INPP5A: variants seen among roughly 807,000 people sequenced by gnomAD.
INPP5A encodes the protein inositol polyphosphate-5-phosphatase A.
Under a neutral mutation model 65.2 loss-of-function variants are expected in INPP5A, and 14 were observed. The ratio of observed to expected loss-of-function variants is 0.21; its 90% CI spans 0.14 to 0.34. The LOEUF (loss-of-function observed/expected upper bound fraction) is 0.34. Among genes scored for constraint, INPP5A ranks in the 10% least tolerant of loss-of-function variants. The probability of loss-of-function intolerance (pLI) is 1.00; values close to 1 mark genes in which losing one functional copy is unlikely to be tolerated. For synonymous variants in INPP5A, 207 were observed against 208.3 expected (o/e 0.99, Z 0.05); for missense variants, 431 against 545.6 (o/e 0.79, Z 2.09).
At chr10:132,658,602 G>C (rs1379272727) in intron 4 of INPP5A, among the ~76,000 whole-genome samples, 2 of 152,134 alleles carry the variant, frequency 1.3e-5, no homozygotes, top group Admixed American at 6.5e-5. Flanking sequence ...GCCTTGACGC[G>C]TGTCGATCTG....
intron 3 of INPP5A, among the ~76,000 whole-genome samples, chr10:132,646,884 C>T (rs1284170835): frequency 6.6e-6 from 1 of 152,196 alleles, no homozygotes; most frequent in Non-Finnish European, 1.5e-5. Context: ...TCGATGCAGC[C>T]ACCCGGAGTC....
chr10:132,684,484 A>G (rs568447927), intron 4 of INPP5A, among the ~76,000 whole-genome samples: 51 of 152,204 alleles, frequency 3.4e-4, no homozygotes, highest in Middle Eastern at 3.4e-3. Context: ...ATGTGTACAT[A>G]TGTGTGTGTG....
intron 4 of INPP5A, among the ~76,000 whole-genome samples, chr10:132,656,177 G>C (rs569541420): frequency 6.6e-6 from 1 of 152,222 alleles, no homozygotes; most frequent in East Asian, 1.9e-4. Flanking sequence ...GGGTGCAAGA[G>C]GAAAGACCCT....
chr10:132,596,933 A>ACGCATGTGTGCATGTGTGCG (rs1554932700), intron 1 of INPP5A, among the ~76,000 whole-genome samples: 264 of 6,786 alleles, frequency 0.039, no homozygotes, highest in African/African-American at 0.057. Flanking sequence ...GCGCATGTGC[A>ACGCATGTGTGCATGTGTGCG]CGCATGTGTG....
intron 5 of INPP5A, among the ~76,000 whole-genome samples, chr10:132,694,799 A>G (rs1432593317): frequency 1.3e-5 from 2 of 152,232 alleles, no homozygotes; most frequent in Non-Finnish European, 2.9e-5. Flanking sequence ...TAGATGGGCC[A>G]ATTCCTTGAA....
intron 1 of INPP5A, among the ~76,000 whole-genome samples, chr10:132,557,838 G>A (rs534969335): frequency 6.6e-6 from 1 of 152,154 alleles, no homozygotes; most frequent in Non-Finnish European, 1.5e-5. Context: ...CTTACCCTGG[G>A]TCTCTGTTCA....
intron 1 of INPP5A, among the ~76,000 whole-genome samples, chr10:132,543,324 C>T (rs1204444606): frequency 6.6e-6 from 1 of 152,102 alleles, no homozygotes; most frequent in African/African-American, 2.4e-5. Context: ...TGGGATCAGA[C>T]GGTCTGCCCT....
rs1393621457 is a variant in INPP5A at position 132,675,991 on chromosome 10, GAGTC to G, written c.307-14398_307-14395del. 6.6e-6 allele frequency among the ~76,000 whole-genome samples: 1 copy of G among 152,114 alleles called. No homozygotes were observed. Among genetic ancestry groups the G allele is most frequent in the African/African-American group, 2.4e-5 (1 of 41,424 alleles). On this transcript the variant is annotated intron_variant, in intron 4 of 15. Coordinates refer to ENST00000368594, the MANE Select transcript of INPP5A (RefSeq NM_005539.5). The surrounding 1 kb of genome is among the most constrained non-coding windows in gnomAD (Gnocchi z 4.2). Reference sequence around the variant, plus strand: ...ATGATTTTTAGAAGACAAAAGATAAGAGTCAGAACCATTTTAATTAGGATGCAAA... The same window carrying G: ...ATGATTTTTAGAAGACAAAAGATAAGAGAACCATTTTAATTAGGATGCAAA...
chr10:132,777,112 A>G (rs1847078294), intron 12 of INPP5A, among the ~76,000 whole-genome samples: 1 of 152,200 alleles, frequency 6.6e-6, no homozygotes, highest in South Asian at 2.1e-4. Flanking sequence ...GGGCGTGGGC[A>G]GGCCCAGGAA....
chr10:132,699,877 C>T (rs1027807915), intron 6 of INPP5A, among the ~76,000 whole-genome samples: 9 of 152,180 alleles, frequency 5.9e-5, no homozygotes, highest in Non-Finnish European at 1.2e-4. Flanking sequence ...AGCTGAGGCC[C>T]GGGGCCCAGA....
Position 132,650,660 on chromosome 10 carries a change from G to A in INPP5A, c.306+155G>A, listed in dbSNP as rs145255449. Among the ~76,000 whole-genome samples the A allele has an allele frequency of 1.1e-4, 16 of 152,334 alleles. No individual in the cohort carries two copies. The highest frequency in any genetic ancestry group is 1.6e-4 in the Non-Finnish European group (11 of 68,028). On this transcript the variant is annotated intron_variant, in intron 4 of 15. Transcript: ENST00000368594. The surrounding 1 kb of genome is among the most constrained non-coding windows in gnomAD (Gnocchi z 5.5). ...TGGCACTCCCGCAGCCTGCTTGGTG[G>A]TCTGCTCGTGGTCTGAGCCCATGGC...
rs535024499 is a variant in INPP5A, at chr10:132,665,548, A to G, written c.306+15043A>G. Among the ~76,000 whole-genome samples the G allele has an allele frequency of 7.8e-3, 1,173 of 149,790 alleles. 15 individuals carry two copies. The highest frequency in any genetic ancestry group is 0.028 in the African/African-American group (1,125 of 40,748). ...GCTTGAGCTTAGGAGTAATCCCAGC[A>G]CTCTGGGAGGCTGAGGCAGGTGAAT... On this transcript the variant is annotated intron_variant, in intron 4 of 15. Coordinates refer to ENST00000368594, the MANE Select transcript of INPP5A (RefSeq NM_005539.5).
chr10:132,673,270 G>A (rs2072917288), intron 4 of INPP5A, among the ~76,000 whole-genome samples: 1 of 152,286 alleles, frequency 6.6e-6, no homozygotes, highest in Admixed American at 6.5e-5. Context: ...AACTAATAAC[G>A]CTAGGCCAGC....
At chr10:132,662,134 C>G (rs1008897379) in intron 4 of INPP5A, among the ~76,000 whole-genome samples, 8 of 152,150 alleles carry the variant, frequency 5.3e-5, no homozygotes, top group Admixed American at 4.6e-4. Context: ...GGAAACCAGT[C>G]AGTTGGACCT....
chr10:132,555,574 G>A lies in INPP5A; in HGVS notation c.75+17403G>A, dbSNP rs990206561. Among the ~76,000 whole-genome samples, 2 of 152,272 alleles carry A rather than the reference G, an allele frequency of 1.3e-5. No homozygotes were observed. The highest frequency in any genetic ancestry group is 4.8e-5 in the African/African-American group (2 of 41,544). Reference sequence around the variant, plus strand: ...CTGGACAGTGGGGCCGTCCTGACTCGCCTCCTGAGAGCCGTGGGTCACAAA... The same window carrying A: ...CTGGACAGTGGGGCCGTCCTGACTCACCTCCTGAGAGCCGTGGGTCACAAA... On this transcript the variant is annotated intron_variant, in intron 1 of 15. Coordinates refer to ENST00000368594, the MANE Select transcript of INPP5A (RefSeq NM_005539.5). The surrounding 1 kb of genome is among the most constrained non-coding windows in gnomAD (Gnocchi z 4.4).
chr10:132,571,184 G>A (rs1190148813), intron 1 of INPP5A, among the ~76,000 whole-genome samples: 1 of 152,282 alleles, frequency 6.6e-6, no homozygotes, highest in Admixed American at 6.5e-5. Flanking sequence ...AATGCAGCAT[G>A]AGGCAGGTGC....
intron 2 of INPP5A, among the ~76,000 whole-genome samples, chr10:132,614,252 GCT>G (rs1416458481): frequency 6.6e-6 from 1 of 152,172 alleles, no homozygotes; most frequent in Non-Finnish European, 1.5e-5. Context: ...GATCACTTGA[GCT>G]CAGGAGTTCG....
intron 2 of INPP5A, among the ~76,000 whole-genome samples, chr10:132,630,640 G>C (rs1428129339): frequency 6.7e-6 from 1 of 149,440 alleles, no homozygotes; most frequent in East Asian, 2.0e-4. Context: ...ACATCCATGA[G>C]GGGAAGACAT....
chr10:132,553,694 G>A (rs1410949953), intron 1 of INPP5A, among the ~76,000 whole-genome samples: 2 of 141,936 alleles, frequency 1.4e-5, no homozygotes, highest in African/African-American at 2.6e-5. Flanking sequence ...GAGCCTTGGT[G>A]TGGAATATTG....
Sources: gnomAD v4.1 joint callset for allele counts (sites outside exome capture counted in the v4.1 genomes callset) on GRCh38, gnomAD v4.1.1 for gene constraint, Gnocchi (gnomAD v3.1) non-coding constraint, MANE v1.5 for transcripts, NCBI Gene and HGNC (gene_info 2026-07-23, HGNC 2026-07-21) for gene names.